Variants in GNAQ observed in about 807,000 individuals in gnomAD.
GNAQ encodes G protein subunit alpha q.
Under a neutral mutation model 43.9 loss-of-function variants are expected in GNAQ, and 8 were observed. That is an observed-to-expected ratio of 0.18 (90% CI 0.11 to 0.33). GNAQ has a LOEUF of 0.33. Among genes scored for constraint, GNAQ ranks in the 10% least tolerant of loss-of-function variants. The pLI, the probability that GNAQ is intolerant of heterozygous loss-of-function variation, is 1.00. For synonymous variants in GNAQ, 155 were observed against 170.7 expected, an observed-to-expected ratio of 0.91 and a Z score of 0.71; for missense variants, 158 against 450.8, an observed-to-expected ratio of 0.35 and a Z score of 5.88.
At chr9:77,990,266 T>C (rs1040576551) in intron 1 of GNAQ, among the ~76,000 whole-genome samples, 3 of 152,260 alleles carry the variant, frequency 2.0e-5, no homozygotes, top group African/African-American at 7.2e-5. Flanking sequence ...TCTCACTCTG[T>C]TGCCCAGGCT....
chr9:77,822,778 C>CTT (rs1827137697), intron 2 of GNAQ, among the ~76,000 whole-genome samples: 1 of 152,144 alleles, frequency 6.6e-6, no homozygotes, highest in Admixed American at 6.5e-5. Context: ...AAAAGGCTCA[C>CTT]TTTCCTAGAA....
intron 5 of GNAQ, among the ~76,000 whole-genome samples, chr9:77,788,608 A>G (rs1186825946): frequency 6.6e-6 from 1 of 152,170 alleles, no homozygotes; most frequent in East Asian, 1.9e-4. Context: ...TATCTGTATC[A>G]TTTTACTTGT....
At chr9:77,737,960 TC>T (rs1825598480) in intron 5 of GNAQ, among the ~76,000 whole-genome samples, 2 of 152,196 alleles carry the variant, frequency 1.3e-5, no homozygotes, top group Admixed American at 1.3e-4. Context: ...CACAGATTAT[TC>T]CTGTAGACAG....
At chr9:77,960,433 A>G (rs887053804) in intron 1 of GNAQ, among the ~76,000 whole-genome samples, 3 of 152,200 alleles carry the variant, frequency 2.0e-5, no homozygotes, top group Non-Finnish European at 4.4e-5. Context: ...TGTGGTATGT[A>G]GGGATTGCCC....
chr9:77,722,365 A>G (rs967556550), intron 6 of GNAQ, among the ~76,000 whole-genome samples: 1 of 151,874 alleles, frequency 6.6e-6, no homozygotes, highest in Admixed American at 6.6e-5. Context: ...TCAAACTCCT[A>G]ATCTCAGGTG....
At position 77,825,550 on chromosome 9, in the gene GNAQ, C is replaced by A. The variant is rs185063460; in HGVS notation, c.322-9780G>T. On this transcript the variant is annotated intron_variant, in intron 2 of 6. Transcript: ENST00000286548. Reference sequence around the variant, plus strand: ...TTGGCTGCCCCTAGTCACTTTTGTCCCAGCTTACTCCATATTAGCAGGAAT... The same window carrying A: ...TTGGCTGCCCCTAGTCACTTTTGTCACAGCTTACTCCATATTAGCAGGAAT... Among the ~76,000 whole-genome samples, 4 of 152,234 alleles carry A rather than the reference C, an allele frequency of 2.6e-5. No individual in the cohort carries two copies. The East Asian group carries it at 5.8e-4, about 22-fold the overall frequency.
At chr9:77,809,945 G>A (rs1826891369) in intron 3 of GNAQ, among the ~76,000 whole-genome samples, 1 of 152,166 alleles carries the variant, frequency 6.6e-6, no homozygotes, top group South Asian at 2.1e-4. Flanking sequence ...TTTCATGTTA[G>A]TATGGATAAT....
chr9:77,906,479 A>G (rs1828710680), intron 2 of GNAQ, among the ~76,000 whole-genome samples: 1 of 152,194 alleles, frequency 6.6e-6, no homozygotes. Context: ...TGACCCAGCA[A>G]TTCCATTGCT....
At chr9:78,011,565 A>G (rs1045379944) in intron 1 of GNAQ, among the ~76,000 whole-genome samples, 8 of 152,252 alleles carry the variant, frequency 5.3e-5, no homozygotes, top group Non-Finnish European at 1.2e-4. Flanking sequence ...TCTAAAAAAT[A>G]AGGTGAAACA....
intron 2 of GNAQ, among the ~76,000 whole-genome samples, chr9:77,888,106 T>C (rs927090918): frequency 1.3e-5 from 2 of 152,258 alleles, no homozygotes; most frequent in Admixed American, 6.5e-5. Flanking sequence ...CATGCAATGA[T>C]GACATCTTTC....
At position 77,992,802 on chromosome 9, in the gene GNAQ, A is replaced by G. The variant is rs367590928; in HGVS notation, c.136+38298T>C. 1.6e-4 allele frequency among the ~76,000 whole-genome samples: 24 copies of G among 152,094 alleles called. No homozygotes were observed. In the East Asian group the frequency reaches 3.3e-3, roughly 21 times the overall value. On this transcript the variant is annotated intron_variant, in intron 1 of 6. Transcript: ENST00000286548. Reference sequence around the variant, plus strand: ...TCTACTAAAAATACAAAAATTAGCCAAGTGTGGTGGTACACGCCTGTAATC... The same window carrying G: ...TCTACTAAAAATACAAAAATTAGCCGAGTGTGGTGGTACACGCCTGTAATC...
intron 2 of GNAQ, among the ~76,000 whole-genome samples, chr9:77,906,595 A>G (rs534904475): frequency 1.3e-5 from 2 of 152,374 alleles, no homozygotes; most frequent in South Asian, 4.1e-4. Context: ...TATTTTGTAT[A>G]TAAGTCCATA....
rs1266282338 is a variant in GNAQ, at chr9:77,844,188, C to G, written c.322-28418G>C. ...AGAAGGTTGTGGTGCACTAATTGGT[C>G]CCTTTAAGCCTTCATCTAGCAGAAA... On this transcript the variant is annotated intron_variant, in intron 2 of 6. Transcript: ENST00000286548. Among the ~76,000 whole-genome samples the G allele has an allele frequency of 2.6e-5, 4 of 152,174 alleles. No homozygotes were observed. In the East Asian group the frequency reaches 7.7e-4, roughly 29 times the overall value.
intron 2 of GNAQ, among the ~76,000 whole-genome samples, chr9:77,902,423 T>C (rs139129339): frequency 3.3e-5 from 5 of 152,326 alleles, no homozygotes; most frequent in Admixed American, 6.5e-5. Flanking sequence ...AATCCCACCT[T>C]TGTTGCTGAC....
At chr9:77,956,258 G>T (rs957577594) in intron 1 of GNAQ, among the ~76,000 whole-genome samples, 1 of 152,082 alleles carries the variant, frequency 6.6e-6, no homozygotes, top group Non-Finnish European at 1.5e-5. Context: ...CCCCAAAATT[G>T]AAGCCGAAAT....
At chr9:77,887,151 GTAAAA>G (rs938761279) in intron 2 of GNAQ, among the ~76,000 whole-genome samples, 3 of 135,636 alleles carry the variant, frequency 2.2e-5, no homozygotes, top group South Asian at 2.5e-4. Flanking sequence ...ATAAAATAAA[GTAAAA>G]TAAAATAAAA....
At chr9:78,030,917 G>A (rs1587470105) in intron 1 of GNAQ, among the ~76,000 whole-genome samples, 183 bp downstream of exon 1, 1 of 150,548 alleles carries the variant, frequency 6.6e-6, no homozygotes. Flanking sequence ...GTGTGTGTGT[G>A]TGTCTGTGTG....
intron 2 of GNAQ, among the ~76,000 whole-genome samples, chr9:77,886,770 T>C (rs77863720): frequency 2.0e-5 from 3 of 152,238 alleles, no homozygotes; most frequent in Non-Finnish European, 2.9e-5. Flanking sequence ...ATGAACCTTT[T>C]ATCTATCTGG....
At position 77,828,059 on chromosome 9, in the gene GNAQ, C is replaced by CAAAAAAAAAAAAAAAAAAAAAAAAAAA. The variant is rs71360654; in HGVS notation, c.322-12316_322-12290dup. ...TGGGCGACAGAGTGAGACTCCTCCT[C>CAAAAAAAAAAAAAAAAAAAAAAAAAAA]AAAAAAAAAAAAAAAAAAAAAAAAA... On this transcript the variant is annotated intron_variant, in intron 2 of 6. Coordinates refer to ENST00000286548, the MANE Select transcript of GNAQ (RefSeq NM_002072.5). Among the ~76,000 whole-genome samples the CAAAAAAAAAAAAAAAAAAAAAAAAAAA allele has an allele frequency of 4.7e-4, 9 of 19,240 alleles. 1 individual carries two copies. The highest frequency in any genetic ancestry group is 2.6e-3 in the South Asian group (1 of 380). The allele number at this position is 19,240 out of a possible 152,430, so 12.6% of individuals were successfully genotyped here.
Sources: allele counts gnomAD v4.1 joint callset (sites outside exome capture counted in the v4.1 genomes callset), GRCh38; gene constraint gnomAD v4.1.1; transcripts MANE v1.5; gene names NCBI Gene and HGNC (gene_info 2026-07-23, HGNC 2026-07-21).